Variants in DDX39B observed in about 807,000 individuals in gnomAD.
The protein encoded by DDX39B is spliceosome RNA helicase DDX39B.
Under a neutral mutation model 46.4 loss-of-function variants are expected in DDX39B, and 6 were observed. The ratio of observed to expected loss-of-function variants is 0.13; its 90% CI spans 0.07 to 0.26. The LOEUF (loss-of-function observed/expected upper bound fraction) is 0.26. Ranked by LOEUF, DDX39B falls within the 10% of genes least tolerant of loss-of-function variation. DDX39B has a pLI of 1.00. For missense variants in DDX39B, 185 were observed against 553.4 expected, an observed-to-expected ratio of 0.33 and a Z score of 6.68; for synonymous variants, 174 against 199.4, an observed-to-expected ratio of 0.87 and a Z score of 1.07.
chr6:31,540,444 G>A lies in DDX39B; in HGVS notation c.89C>T (p.Pro30Leu). 1 of 1,614,184 alleles carries A rather than the reference G, an allele frequency of 6.2e-7. No individual in the cohort carries two copies. Among genetic ancestry groups the A allele is most frequent in the Non-Finnish European group, 8.5e-7 (1 of 1,180,042 alleles). The change falls in exon 2 of 11, where the codon CCT becomes CTT. Residue 30 changes from proline (P) to leucine (L), a missense_variant. Pro to Leu is a moderately conservative substitution (Grantham distance 98). This residue lies in a region of DDX39B where 30 missense variants were observed against 41.6 expected (regional missense o/e 0.72). Transcript: ENST00000396172. ...TAAGGDGAEA[P>L]AKKDVKGSYV... ...GGAGCCCTTGACATCCTTCTTGGCA[G>A]GGGCCTCAGCCCCATCTCCCCCAGC...
At position 31,530,757 on chromosome 6, in the gene DDX39B, G is replaced by A. The variant is rs750352718; in HGVS notation, c.1270+22C>T. On this transcript the variant is annotated intron_variant, in intron 10 of 10. Transcript: ENST00000396172. This position sits in a 1 kb window ranked among gnomAD's most constrained non-coding sequence, Gnocchi z 4.5. ...CTAAGGAACAGGGAGGACCTAAAGG[G>A]TTTCATGAGATCAGTACTCACTGTA... 1.9e-5 allele frequency: 30 copies of A among 1,608,116 alleles called. No homozygotes were observed. Among genetic ancestry groups the A allele is most frequent in the Admixed American group, 6.7e-5 (4 of 59,970 alleles).
rs1225506983 is a variant in DDX39B at position 31,534,436 on chromosome 6, G to A, written c.735+931C>T. The A allele has an allele frequency of 2.1e-6, 1 of 469,500 alleles. No homozygotes were observed. The highest frequency in any genetic ancestry group is 2.4e-5 in the Admixed American group (1 of 42,206). 29.1% of individuals were successfully genotyped at this position (469,500 alleles called of 1,614,324 possible). ...ACACACTCCACTGCTTATGCAATTG[G>A]CCCCACCTAGCCCCAAACCCTAACA... On this transcript the variant is annotated intron_variant, in intron 6 of 10. Transcript: ENST00000396172. This position sits in a 1 kb window ranked among gnomAD's most constrained non-coding sequence, Gnocchi z 5.1.
rs113985170 is a variant in DDX39B at position 31,531,425 on chromosome 6, G to C, written c.868-20C>G. The C allele has an allele frequency of 1.5e-5, 24 of 1,613,306 alleles. 1 individual carries two copies. The Middle Eastern group carries it at 6.6e-4, about 44-fold the overall frequency. ...CACCACCTGTTGTGGGGTGGGGTGGGGGGTCGCAAATTGGGGGAATAGGGG... is the reference window on the plus strand; with the variant it reads ...CACCACCTGTTGTGGGGTGGGGTGGCGGGTCGCAAATTGGGGGAATAGGGG... On this transcript the variant is annotated intron_variant, in intron 7 of 10. Coordinates refer to ENST00000396172, the MANE Select transcript of DDX39B (RefSeq NM_004640.7). The surrounding 1 kb of genome is among the most constrained non-coding windows in gnomAD (Gnocchi z 5.8).
chr6:31,535,542 AT>A lies in DDX39B; in HGVS notation c.617-58del. On this transcript the variant is annotated intron_variant, in intron 5 of 10. Transcript: ENST00000396172. This position sits in a 1 kb window ranked among gnomAD's most constrained non-coding sequence, Gnocchi z 4.6. The stretch of plus-strand genomic sequence containing the variant: ...AAATAAGCAGGTATGATAAACAAAG[AT>A]TAGAGGTAGACTTCCCAGTGAGGTG... 1 of 1,414,690 alleles carries A rather than the reference AT, an allele frequency of 7.1e-7. No individual in the cohort carries two copies. The highest frequency in any genetic ancestry group is 9.9e-7 in the Non-Finnish European group (1 of 1,006,182). 87.6% of individuals were successfully genotyped at this position (1,414,690 alleles called of 1,614,324 possible).
Position 31,539,491 on chromosome 6 carries a change from G to A in DDX39B, c.212-217C>T, listed in dbSNP as rs369901505. Among the ~76,000 whole-genome samples the A allele has an allele frequency of 4.6e-5, 7 of 152,208 alleles. No individual in the cohort carries two copies. The East Asian group carries it at 1.3e-3, about 29-fold the overall frequency. On this transcript the variant is annotated intron_variant, in intron 2 of 10. Transcript: ENST00000396172. ...TTCCTCCTAGCTTTAGCCTCCTCCAGATCTAGGCCTTCCCAGTCCTAGTAA... is the reference window on the plus strand; with the variant it reads ...TTCCTCCTAGCTTTAGCCTCCTCCAAATCTAGGCCTTCCCAGTCCTAGTAA...
rs983649238 is a variant in DDX39B, at chr6:31,530,753, A to C, written c.1270+26T>G. On this transcript the variant is annotated intron_variant, in intron 10 of 10. Coordinates refer to ENST00000396172, the MANE Select transcript of DDX39B (RefSeq NM_004640.7). This position sits in a 1 kb window ranked among gnomAD's most constrained non-coding sequence, Gnocchi z 4.5. ...CACACTAAGGAACAGGGAGGACCTA[A>C]AGGGTTTCATGAGATCAGTACTCAC... 2.5e-6 allele frequency: 4 copies of C among 1,606,734 alleles called. No homozygotes were observed. The African/African-American group carries it at 5.3e-5, about 21-fold the overall frequency.
chr6:31,541,425 G>GTTAGTCTCCA (rs1768436076), intron 1 of DDX39B: 1 of 370,240 alleles, frequency 2.7e-6, no homozygotes, highest in East Asian at 7.4e-5. Flanking sequence ...GTTACGCTAC[G>GTTAGTCTCCA]AAGGTGAGAC....
At chr6:31,540,274 T>A in intron 2 of DDX39B, 48 bp downstream of exon 2, 1 of 1,577,840 alleles carries the variant, frequency 6.3e-7, no homozygotes, top group African/African-American at 1.3e-5. Context: ...CTTTGTATTG[T>A]ACCCTTAAAG....
At position 31,532,912 on chromosome 6, in the gene DDX39B, C is replaced by T; in HGVS notation, c.736-1G>A. 9.8e-7 allele frequency: 1 copy of T among 1,018,282 alleles called. No homozygotes were observed. Among genetic ancestry groups the T allele is most frequent in the African/African-American group, 2.2e-5 (1 of 46,186 alleles). 63.1% of individuals were successfully genotyped at this position (1,018,282 alleles called of 1,614,324 possible). A position where few individuals can be genotyped will look rare whatever the true frequency, so the allele number is the denominator to read the frequency against. ...CATCATCCACGAAGATCTCCATTGG[C>T]TGGGGGGGAGGAAGGGGGTGGGGAA... On this transcript the variant is annotated splice_acceptor_variant, in intron 6 of 10. Transcript: ENST00000396172. LOFTEE classifies it high-confidence loss of function.
chr6:31,534,593 G>C lies in DDX39B; in HGVS notation c.735+774C>G. 2.3e-6 allele frequency: 1 copy of C among 440,180 alleles called. No homozygotes were observed. The highest frequency in any genetic ancestry group is 4.6e-6 in the Non-Finnish European group (1 of 216,732). The allele number at this position is 440,180 out of a possible 1,614,324, so 27.3% of individuals were successfully genotyped here. A position where few individuals can be genotyped will look rare whatever the true frequency, so the allele number is the denominator to read the frequency against. On this transcript the variant is annotated intron_variant, in intron 6 of 10. Transcript: ENST00000396172. This position sits in a 1 kb window ranked among gnomAD's most constrained non-coding sequence, Gnocchi z 5.1. ...CACCCCTCCCCAACACATATTGGGG[G>C]AAACGGGGCACGGCACGCGTTGGGT... is the stretch of plus-strand genomic sequence containing the variant.
chr6:31,534,835 G>A lies in DDX39B; in HGVS notation c.735+532C>T. 3.7e-6 allele frequency: 1 copy of A among 268,422 alleles called. No homozygotes were observed. Among genetic ancestry groups the A allele is most frequent in the African/African-American group, 2.2e-5 (1 of 45,292 alleles). 16.6% of individuals were successfully genotyped at this position (268,422 alleles called of 1,614,324 possible). A position where few individuals can be genotyped will look rare whatever the true frequency, so the allele number is the denominator to read the frequency against. Reference sequence around the variant, plus strand: ...GAAGGAGTAGGGTATCGGGGATTGAGGTGCCAAAGGCCCCCACCCCTGGAG... The same window carrying A: ...GAAGGAGTAGGGTATCGGGGATTGAAGTGCCAAAGGCCCCCACCCCTGGAG... On this transcript the variant is annotated intron_variant, in intron 6 of 10. Coordinates refer to ENST00000396172, the MANE Select transcript of DDX39B (RefSeq NM_004640.7). This position sits in a 1 kb window ranked among gnomAD's most constrained non-coding sequence, Gnocchi z 5.1.
rs535021799 is a variant in DDX39B at position 31,538,380 on chromosome 6, T to G, written c.432+383A>C. On this transcript the variant is annotated intron_variant, in intron 4 of 10. Transcript: ENST00000396172. ...CCTGTTGGCCACATTGGTCTTAAAC[T>G]CCTGACCTCAAATAATCCACACGCC... Among the ~76,000 whole-genome samples the G allele has an allele frequency of 1.2e-4, 18 of 152,250 alleles. No individual in the cohort carries two copies. The East Asian group carries it at 3.5e-3, about 29-fold the overall frequency.
chr6:31,539,388 C>T (rs1169615459), intron 2 of DDX39B, 114 bp from the exon 3 acceptor site: 1 of 1,473,420 alleles, frequency 6.8e-7, no homozygotes, highest in South Asian at 1.3e-5. Context: ...CTAGTATTTA[C>T]CTGGTTCTTG....
chr6:31,540,583 A>G lies in DDX39B; in HGVS notation c.-51T>C. 1 of 1,564,816 alleles carries G rather than the reference A, an allele frequency of 6.4e-7. No homozygotes were observed. The highest frequency in any genetic ancestry group is 8.8e-7 in the Non-Finnish European group (1 of 1,139,482). ...AAGGGGGATCTGGATGGGTTCTCGCAAAATAGGTGAAAACAAGGGGTGAAG... is the reference window on the plus strand; with the variant it reads ...AAGGGGGATCTGGATGGGTTCTCGCGAAATAGGTGAAAACAAGGGGTGAAG... On this transcript the variant is annotated 5_prime_UTR_variant, in exon 2 of 11. Transcript: ENST00000396172.
In DDX39B at chr6:31,535,898, T is replaced by A. The variant is rs1013190080; in HGVS notation, c.617-413A>T. On this transcript the variant is annotated intron_variant, in intron 5 of 10. Coordinates refer to ENST00000396172, the MANE Select transcript of DDX39B (RefSeq NM_004640.7). This position sits in a 1 kb window ranked among gnomAD's most constrained non-coding sequence, Gnocchi z 4.6. The stretch of plus-strand genomic sequence containing the variant: ...TCTATCAAGTCAGGCAAATATGACA[T>A]CCCTACCTGGAGCCCACCTTTATAG... Among the ~76,000 whole-genome samples the A allele has an allele frequency of 1.8e-4, 27 of 152,304 alleles. No individual in the cohort carries two copies. The highest frequency in any genetic ancestry group is 1.7e-3 in the Admixed American group (26 of 15,298).
chr6:31,531,485 G>T lies in DDX39B; in HGVS notation c.868-80C>A. ...TGTGAGAGACATTACGTGGGAGAGG[G>T]GAGTTTCTAGTAATTACGTTCTCAG... On this transcript the variant is annotated intron_variant, in intron 7 of 10. Coordinates refer to ENST00000396172, the MANE Select transcript of DDX39B (RefSeq NM_004640.7). The surrounding 1 kb of genome is among the most constrained non-coding windows in gnomAD (Gnocchi z 5.8). The T allele has an allele frequency of 1.7e-6, 2 of 1,188,682 alleles. No individual in the cohort carries two copies. Among genetic ancestry groups the T allele is most frequent in the Non-Finnish European group, 2.5e-6 (2 of 808,698 alleles). The allele number at this position is 1,188,682 out of a possible 1,614,324, so 73.6% of individuals were successfully genotyped here.
chr6:31,541,503 T>G (rs555292301), intron 1 of DDX39B: 1 of 390,704 alleles, frequency 2.6e-6, no homozygotes, highest in African/African-American at 2.1e-5. Flanking sequence ...CCAAATTAAG[T>G]TGGGCAAGTC....
intron 6 of DDX39B, 119 bp from the exon 7 acceptor site, chr6:31,533,030 G>A (rs1401147710): frequency 4.8e-6 from 3 of 628,958 alleles, no homozygotes; most frequent in Non-Finnish European, 8.7e-6. Flanking sequence ...GGAAAGAGAA[G>A]ATTGAAAACC....
At chr6:31,540,204 TG>T in intron 2 of DDX39B, 117 bp downstream of exon 2, 2 of 1,148,340 alleles carry the variant, frequency 1.7e-6, no homozygotes, top group Non-Finnish European at 2.5e-6. Flanking sequence ...CCACTGCACC[TG>T]GCCCTGATCT....
Sources: allele counts gnomAD v4.1 joint callset (sites outside exome capture counted in the v4.1 genomes callset), GRCh38; gene constraint gnomAD v4.1.1; regional missense constraint gnomAD v4.1.1; non-coding constraint Gnocchi (gnomAD v3.1); transcripts MANE v1.5; gene names NCBI Gene and HGNC (gene_info 2026-07-23, HGNC 2026-07-21).